The following NUBP2 variants were observed in gnomAD, a reference collection of about 807,000 sequenced individuals.
The protein encoded by NUBP2 is cytosolic Fe-S cluster assembly factor NUBP2.
In NUBP2, 23 loss-of-function variants were observed where a neutral mutation model predicts 24.9. The observed-to-expected ratio is 0.92, with a 90% CI of 0.66 to 1.31. The LOEUF is 1.31. Among genes scored for constraint, NUBP2 ranks in the 50% most tolerant of loss-of-function variants. NUBP2 has a pLI of 0.00. For missense variants in NUBP2, 403 were observed against 386.5 expected, an observed-to-expected ratio of 1.04 and a Z score of -0.36; for synonymous variants, 186 against 170.9, an observed-to-expected ratio of 1.09 and a Z score of -0.69.
intron 1 of NUBP2, chr16:1,785,594 C>T (rs1896922516): frequency 1.6e-6 from 2 of 1,277,140 alleles, no homozygotes; most frequent in African/African-American, 3.1e-5. Flanking sequence ...TTTATTGCCC[C>T]AGGGGTGACC....
rs1311036944 is a variant in NUBP2, at chr16:1,788,615, C to A, written c.717C>A (p.Gly239=). ...DPALMRTLEE[G]HDFIQEFPGS... ...CGCTCATGAGGACCCTGGAGGAGGG[C>A]CACGACTTCATCCAGGAGTTCCCTG... Residue 239 remains glycine (G), a synonymous_variant, in exon 7 of 7, where the codon GGC becomes GGA. Coordinates refer to ENST00000262302, the MANE Select transcript of NUBP2 (RefSeq NM_012225.4). The A allele has an allele frequency of 1.9e-6, 3 of 1,610,346 alleles. No homozygotes were observed. The highest frequency in any genetic ancestry group is 1.1e-5 in the South Asian group (1 of 90,752).
chr16:1,787,578 C>CTGCA, intron 3 of NUBP2, 99 bp from the exon 4 acceptor site: 1 of 1,477,348 alleles, frequency 6.8e-7, no homozygotes, highest in Admixed American at 1.8e-5. Flanking sequence ...ACCTGATGGA[C>CTGCA]TGCAGCCCCT....
At chr16:1,786,358 C>G in intron 1 of NUBP2, 179 bp from the exon 2 acceptor site, 3 of 643,424 alleles carry the variant, frequency 4.7e-6, no homozygotes, top group Non-Finnish European at 8.1e-6. Context: ...TCTGGGGCTG[C>G]AGGGGACCTG....
At position 1,786,800 on chromosome 16, in the gene NUBP2, G is replaced by A. The variant is rs757779374; in HGVS notation, c.179G>A (p.Arg60His). ...GACCTGTGTGGCCCCAGTATCCCCC[G>A]CATGCTCGGGGCGCAGGGCAGGGCT... The part of the protein sequence containing the change: ...DVDLCGPSIP[R>H]MLGAQGRAVH... The change falls in exon 3 of 7, where the codon CGC (arginine) becomes CAC (histidine). Residue 60 changes from arginine (R) to histidine (H), a missense_variant. By Grantham distance (29) the Arg-to-His change is conservative. Transcript: ENST00000262302. The A allele has an allele frequency of 5.5e-5, 88 of 1,609,868 alleles. 1 individual carries two copies. The highest frequency in any genetic ancestry group is 2.7e-4 in the East Asian group (12 of 44,802).
intron 3 of NUBP2, 58 bp from the exon 4 acceptor site, chr16:1,787,619 A>G (rs368740809): frequency 1.9e-6 from 3 of 1,585,926 alleles, no homozygotes; most frequent in Non-Finnish European, 2.6e-6. Flanking sequence ...TTAGTGGCGC[A>G]GGGCCACGTG....
chr16:1,786,527 T>G lies in NUBP2; in HGVS notation c.17-10T>G. ...GGAGCCCTGACCTTCTCTGTCGTGT[T>G]TCCGCCCAGAGCCTGGAAACCTGGC... On this transcript the variant is annotated splice_polypyrimidine_tract_variant and intron_variant, in intron 1 of 6. Coordinates refer to ENST00000262302, the MANE Select transcript of NUBP2 (RefSeq NM_012225.4). The G allele has an allele frequency of 6.3e-7, 1 of 1,585,850 alleles. No individual in the cohort carries two copies. Among genetic ancestry groups the G allele is most frequent in the Non-Finnish European group, 8.6e-7 (1 of 1,161,970 alleles).
chr16:1,785,137 G>C, intron 1 of NUBP2: 16 of 990,640 alleles, frequency 1.6e-5, no homozygotes, highest in Non-Finnish European at 1.9e-5. Context: ...AGCTGACCGG[G>C]ACTCATTGTC....
chr16:1,785,397 C>G, intron 1 of NUBP2: 2 of 1,171,682 alleles, frequency 1.7e-6, no homozygotes, highest in South Asian at 1.6e-5. Flanking sequence ...GCACCATTCC[C>G]CCACCTCTGC....
intron 1 of NUBP2, chr16:1,786,239 A>C: frequency 2.3e-6 from 1 of 442,106 alleles, no homozygotes; most frequent in Non-Finnish European, 4.1e-6. Context: ...CGCACGAAGG[A>C]ACGCATGCAC....
chr16:1,787,875 A>G, intron 4 of NUBP2, 44 bp downstream of exon 4: 1 of 1,601,426 alleles, frequency 6.2e-7, no homozygotes. Flanking sequence ...GTGGCTTCCC[A>G]GAGGGCTGGG....
chr16:1,783,338 C>T lies in NUBP2; in HGVS notation c.16+302C>T, dbSNP rs539686822. On this transcript the variant is annotated intron_variant, in intron 1 of 6. Coordinates refer to ENST00000262302, the MANE Select transcript of NUBP2 (RefSeq NM_012225.4). Reference sequence around the variant, plus strand: ...AGGCGGGCGCGGTGGCGCCTGTGGGCCCCGCTATCCTGGAGGTCGCGGTTG... The same window carrying T: ...AGGCGGGCGCGGTGGCGCCTGTGGGTCCCGCTATCCTGGAGGTCGCGGTTG... The T allele has an allele frequency of 2.3e-3, 2,601 of 1,108,184 alleles. 15 individuals carry two copies. The highest frequency in any genetic ancestry group is 6.6e-3 in the Middle Eastern group (17 of 2,588). 68.6% of individuals were successfully genotyped at this position (1,108,184 alleles called of 1,614,324 possible). A position where few individuals can be genotyped will look rare whatever the true frequency, so the allele number is the denominator to read the frequency against.
Position 1,787,932 on chromosome 16 carries a change from G to A in NUBP2, c.490-9G>A. The A allele has an allele frequency of 1.2e-6, 2 of 1,603,752 alleles. No individual in the cohort carries two copies. The highest frequency in any genetic ancestry group is 1.1e-5 in the South Asian group (1 of 90,786). On this transcript the variant is annotated splice_polypyrimidine_tract_variant and intron_variant, in intron 4 of 6. Coordinates refer to ENST00000262302, the MANE Select transcript of NUBP2 (RefSeq NM_012225.4). ...CTGGCTGACCGTGGCCTCGGCTCCTGCCCCGCAGGCGGTGTCCGTGGGGGA... is the reference window on the plus strand; with the variant it reads ...CTGGCTGACCGTGGCCTCGGCTCCTACCCCGCAGGCGGTGTCCGTGGGGGA...
chr16:1,788,129 G>A lies in NUBP2; in HGVS notation c.601-9G>A, dbSNP rs376350532. On this transcript the variant is annotated splice_polypyrimidine_tract_variant and intron_variant, in intron 5 of 6. Coordinates refer to ENST00000262302, the MANE Select transcript of NUBP2 (RefSeq NM_012225.4). ...TTTGGGCAGTGCTGGGCTCACCACC[G>A]TCTCCTAGGAGTGCACCAGCGTCTT... 2.6e-5 allele frequency: 40 copies of A among 1,548,862 alleles called. No homozygotes were observed. The highest frequency in any genetic ancestry group is 1.7e-4 in the Middle Eastern group (1 of 5,842).
At chr16:1,783,428 A>G in intron 1 of NUBP2, 2 of 1,018,626 alleles carry the variant, frequency 2.0e-6, no homozygotes, top group Non-Finnish European at 2.3e-6. Flanking sequence ...GCGCGCAGTC[A>G]TGAAAGTAAG....
chr16:1,788,547 C>A (rs763483308), intron 6 of NUBP2, 22 bp from the exon 7 acceptor site: 1 of 1,584,858 alleles, frequency 6.3e-7, no homozygotes, highest in Non-Finnish European at 8.5e-7. Context: ...CATGGCGCCA[C>A]CGCCTCCACT....
intron 1 of NUBP2, chr16:1,785,047 CT>C (rs968444304): frequency 1.5e-5 from 15 of 977,044 alleles, no homozygotes; most frequent in Non-Finnish European, 1.8e-5. Flanking sequence ...ATGAGACCCC[CT>C]CTCAAAATAA....
chr16:1,786,504 A>T (rs767821515), intron 1 of NUBP2, 33 bp from the exon 2 acceptor site: 1 of 1,544,962 alleles, frequency 6.5e-7, no homozygotes, highest in Non-Finnish European at 8.8e-7. Context: ...GGGCACCAGG[A>T]GCCCTGACCT....
chr16:1,787,236 C>T (rs1383735403), intron 3 of NUBP2: 7 of 439,620 alleles, frequency 1.6e-5, no homozygotes, highest in Admixed American at 3.9e-5. Flanking sequence ...GTCATAGGGG[C>T]AGAGCTGAGG....
intron 3 of NUBP2, 196 bp downstream of exon 3, chr16:1,787,151 C>T: frequency 1.9e-6 from 1 of 530,486 alleles, no homozygotes; most frequent in Non-Finnish European, 3.3e-6. Context: ...CTGTCCCCAA[C>T]TCCCGGTCAG....
Sources: gnomAD v4.1 joint callset for allele counts on GRCh38, gnomAD v4.1.1 for gene constraint, MANE v1.5 for transcripts, NCBI Gene and HGNC (gene_info 2026-07-23, HGNC 2026-07-21) for gene names.